The following PIK3C2G variants were observed in gnomAD, a reference collection of about 807,000 sequenced individuals.
PIK3C2G encodes the protein phosphatidylinositol-4-phosphate 3-kinase catalytic subunit type 2 gamma, also known as phosphatidylinositol 3-kinase C2 domain-containing subunit gamma.
PIK3C2G carries 168 observed loss-of-function variants against 181.1 expected under a neutral mutation model. That is an observed-to-expected ratio of 0.93 (90% CI 0.82 to 1.05). PIK3C2G has a LOEUF of 1.05. Ranked by LOEUF, PIK3C2G falls within the 50% of genes least tolerant of loss-of-function variation. The pLI, the probability that PIK3C2G is intolerant of heterozygous loss-of-function variation, is 0.00. For missense variants in PIK3C2G, 1,869 were observed against 1,732.8 expected, an observed-to-expected ratio of 1.08 and a Z score of -1.40; for synonymous variants, 573 against 592.2, an observed-to-expected ratio of 0.97 and a Z score of 0.47.
chr12:18,574,712 G>A (rs369950412), intron 29 of PIK3C2G, among the ~76,000 whole-genome samples: 3 of 152,194 alleles, frequency 2.0e-5, no homozygotes, highest in Admixed American at 1.3e-4. Flanking sequence ...TAAATTACAG[G>A]CATTGTAACA....
chr12:18,461,784 T>C lies in PIK3C2G; in HGVS notation c.2505-26665T>C, dbSNP rs374432730. Among the ~76,000 whole-genome samples, 10 of 152,318 alleles carry C rather than the reference T, an allele frequency of 6.6e-5. 1 individual carries two copies. Among genetic ancestry groups the C allele is most frequent in the African/African-American group, 2.4e-4 (10 of 41,572 alleles). On this transcript the variant is annotated intron_variant, in intron 18 of 32. Coordinates refer to ENST00000538779, the MANE Select transcript of PIK3C2G (RefSeq NM_001288772.2). ...CACAGAATCTGCTGGCACCTTGACCTTGGACTCCACAGACTCAGAACTGTG... is the reference window on the plus strand; with the variant it reads ...CACAGAATCTGCTGGCACCTTGACCCTGGACTCCACAGACTCAGAACTGTG...
chr12:18,419,231 G>C (rs1015678284), intron 16 of PIK3C2G, among the ~76,000 whole-genome samples: 3 of 152,266 alleles, frequency 2.0e-5, no homozygotes, highest in Non-Finnish European at 2.9e-5. Context: ...ATTCACCAAA[G>C]AGCATTGTTT....
chr12:18,410,873 A>T (rs1258589222), intron 16 of PIK3C2G, among the ~76,000 whole-genome samples: 1 of 152,226 alleles, frequency 6.6e-6, no homozygotes, highest in Non-Finnish European at 1.5e-5. Flanking sequence ...AAGATTAGCT[A>T]CATGTAAAAT....
chr12:18,358,412 A>T (rs1159382061), intron 11 of PIK3C2G: 1 of 175,734 alleles, frequency 5.7e-6, no homozygotes, highest in Non-Finnish European at 1.2e-5. Context: ...CGGGCACCTT[A>T]ACTCAGCATT....
At chr12:18,719,298 A>C in the PIK3C2G span, 1 of 475,174 alleles carries the variant, frequency 2.1e-6, no homozygotes, top group African/African-American at 2.0e-5. Flanking sequence ...ACAAGTAAAA[A>C]TTTCTATTCC....
intron 19 of PIK3C2G, among the ~76,000 whole-genome samples, chr12:18,489,793 T>TA (rs1940388992): frequency 6.6e-6 from 1 of 152,158 alleles, no homozygotes; most frequent in Non-Finnish European, 1.5e-5. Flanking sequence ...GTTTGGTCTT[T>TA]ATCTCCTATG....
At chr12:18,613,078 A>T (rs546376083) in intron 31 of PIK3C2G, among the ~76,000 whole-genome samples, 9 of 152,238 alleles carry the variant, frequency 5.9e-5, no homozygotes, top group Non-Finnish European at 1.2e-4. Flanking sequence ...AAATATTTTT[A>T]AAAACTCTCT....
chr12:18,687,961 T>C, the PIK3C2G span: 1 of 1,268,064 alleles, frequency 7.9e-7, no homozygotes, highest in Non-Finnish European at 1.1e-6. Flanking sequence ...TTTTGCTAAT[T>C]TTGGACATAA....
At position 18,273,002 on chromosome 12, in the gene PIK3C2G, A is replaced by ACC. The variant is rs781572876; in HGVS notation, c.-78-8998_-78-8997dup. On this transcript the variant is annotated intron_variant, in intron 1 of 32. Coordinates refer to ENST00000538779, the MANE Select transcript of PIK3C2G (RefSeq NM_001288772.2). ...AGAAATGACACTCACACACACACAC[A>ACC]CCCCCATCCATAGACACACACAAAC... 5.3e-5 allele frequency among the ~76,000 whole-genome samples: 8 copies of ACC among 150,742 alleles called. 1 individual carries two copies. The highest frequency in any genetic ancestry group is 2.1e-4 in the South Asian group (1 of 4,744).
chr12:18,462,673 G>C (rs1049106724), intron 18 of PIK3C2G, among the ~76,000 whole-genome samples: 1 of 152,110 alleles, frequency 6.6e-6, no homozygotes, highest in African/African-American at 2.4e-5. Context: ...CTAAAAGTTA[G>C]GGCCAAGTTT....
At chr12:18,465,958 CT>C (rs1023439007) in intron 18 of PIK3C2G, among the ~76,000 whole-genome samples, 2 of 151,336 alleles carry the variant, frequency 1.3e-5, no homozygotes, top group Non-Finnish European at 1.5e-5. Flanking sequence ...CTACATACTT[CT>C]TTTTTTATCT....
At chr12:18,530,941 A>G (rs1943521401) in intron 24 of PIK3C2G, among the ~76,000 whole-genome samples, 2 of 152,132 alleles carry the variant, frequency 1.3e-5, no homozygotes, top group African/African-American at 2.4e-5. Flanking sequence ...TCTTTATAGC[A>G]GTGTGAGAAT....
intron 18 of PIK3C2G, among the ~76,000 whole-genome samples, chr12:18,482,444 C>A (rs12368521): frequency 1.3e-5 from 2 of 151,840 alleles, no homozygotes; most frequent in Non-Finnish European, 2.9e-5. Context: ...CTTTGGGAAG[C>A]CTTGGAGAAC....
intron 24 of PIK3C2G, among the ~76,000 whole-genome samples, chr12:18,533,220 C>G (rs899885843): frequency 2.0e-5 from 3 of 152,102 alleles, no homozygotes; most frequent in Non-Finnish European, 4.4e-5. Context: ...AATCTTTTCT[C>G]CATGGTCCAG....
intron 18 of PIK3C2G, among the ~76,000 whole-genome samples, chr12:18,438,595 T>G (rs1565723055): frequency 1.3e-5 from 2 of 151,918 alleles, no homozygotes. Flanking sequence ...TACTCAGAGA[T>G]GCTAGGTATA....
chr12:18,424,084 C>G, intron 18 of PIK3C2G, 45 bp downstream of exon 18: 3 of 1,104,784 alleles, frequency 2.7e-6, no homozygotes, highest in Non-Finnish European at 4.1e-6. Flanking sequence ...TAATTGCCAC[C>G]TTCTCTATGG....
intron 18 of PIK3C2G, among the ~76,000 whole-genome samples, chr12:18,453,159 G>T (rs1444901017): frequency 1.3e-5 from 2 of 152,028 alleles, no homozygotes; most frequent in Admixed American, 1.3e-4. Flanking sequence ...TTGACAGTGG[G>T]GTGTTAAAGT....
intron 22 of PIK3C2G, among the ~76,000 whole-genome samples, chr12:18,499,153 CTT>C (rs971025176): frequency 1.3e-5 from 2 of 152,176 alleles, no homozygotes; most frequent in African/African-American, 4.8e-5. Context: ...TAACTATAGA[CTT>C]ATCCAAAGTT....
chr12:18,498,603 A>G (rs17411508), intron 22 of PIK3C2G, among the ~76,000 whole-genome samples: 6,378 of 151,788 alleles, frequency 0.042, 181 homozygotes, highest in Middle Eastern at 0.075. Context: ...GCTACAATTT[A>G]AACCTGTCAT....
Sources: gnomAD v4.1 joint callset for allele counts (sites outside exome capture counted in the v4.1 genomes callset) on GRCh38, gnomAD v4.1.1 for gene constraint, MANE v1.5 for transcripts, NCBI Gene and HGNC (gene_info 2026-07-23, HGNC 2026-07-21) for gene names.